The following DDX31 variants were observed in gnomAD, a reference collection of about 807,000 sequenced individuals.
The protein encoded by DDX31 is DEAD-box helicase 31.
DDX31 carries 70 observed loss-of-function variants against 91.3 expected under a neutral mutation model. The ratio of observed to expected loss-of-function variants is 0.77; its 90% confidence interval spans 0.63 to 0.94. DDX31 has a LOEUF of 0.94. DDX31 is among the 40% of genes least tolerant of loss of function. DDX31 has a pLI of 0.00. For synonymous variants in DDX31, 362 were observed against 350.6 expected, an observed-to-expected ratio of 1.03 and a Z score of -0.36; for missense variants, 902 against 925.0, an observed-to-expected ratio of 0.98 and a Z score of 0.32.
chr9:132,614,822 C>G (rs1831540220), intron 18 of DDX31, among the ~76,000 whole-genome samples: 1 of 152,194 alleles, frequency 6.6e-6, no homozygotes, highest in Admixed American at 6.5e-5. Context: ...GCATTTCACA[C>G]TGCATATTTT....
intron 5 of DDX31, among the ~76,000 whole-genome samples, chr9:132,659,501 T>C (rs183023537): frequency 6.6e-6 from 1 of 152,144 alleles, no homozygotes; most frequent in African/African-American, 2.4e-5. Context: ...ACCTGACTAC[T>C]TCCTAATCAT....
rs555960510 is a variant in DDX31, at chr9:132,625,678, G to A, written c.1699C>T (p.Arg567Ter). The change falls in exon 17 of 20, where the codon CGA becomes TGA. Residue 567 changes from arginine to a stop codon, truncating the protein, a stop_gained. Transcript: ENST00000372159. LOFTEE classifies it high-confidence loss of function. The part of the protein sequence containing the change: ...LTRDDCFKGK[R>*]WGAQKSHAVG... ...ACAAAACTCACCTGGGCTCCCCATC[G>A]TTTCCCTTTAAAACAATCATCTCTT... The A allele has an allele frequency of 6.9e-5, 112 of 1,613,702 alleles. No individual in the cohort carries two copies. The highest frequency in any genetic ancestry group is 8.4e-5 in the Non-Finnish European group (99 of 1,179,818).
At chr9:132,610,958 C>T (rs529617072) in intron 19 of DDX31, among the ~76,000 whole-genome samples, 5 of 152,214 alleles carry the variant, frequency 3.3e-5, no homozygotes, top group South Asian at 4.1e-4. Context: ...CTGTCTTTGC[C>T]GTGACAGGCT....
intron 19 of DDX31, among the ~76,000 whole-genome samples, chr9:132,596,581 G>T (rs977068794): frequency 6.6e-6 from 1 of 152,160 alleles, no homozygotes; most frequent in Non-Finnish European, 1.5e-5. Flanking sequence ...TACAATCCTC[G>T]CTCAACAAGG....
chr9:132,657,435 C>T (rs1469999470), intron 6 of DDX31, among the ~76,000 whole-genome samples: 1 of 151,962 alleles, frequency 6.6e-6, no homozygotes, highest in Non-Finnish European at 1.5e-5. Context: ...CAAATGGTGA[C>T]TTTCTATTTC....
chr9:132,645,215 T>C (rs1005938736), intron 13 of DDX31, among the ~76,000 whole-genome samples: 1 of 152,160 alleles, frequency 6.6e-6, no homozygotes, highest in East Asian at 1.9e-4. Flanking sequence ...CTCACTCCCA[T>C]ATTCCACCCC....
At chr9:132,597,213 G>A (rs1304166529) in intron 19 of DDX31, among the ~76,000 whole-genome samples, 1 of 152,136 alleles carries the variant, frequency 6.6e-6, no homozygotes, top group African/African-American at 2.4e-5. Context: ...GTCTCATCAT[G>A]GGTCACCCGC....
At chr9:132,630,047 A>G (rs180747513) in intron 16 of DDX31, among the ~76,000 whole-genome samples, 1 of 152,362 alleles carries the variant, frequency 6.6e-6, no homozygotes, top group East Asian at 1.9e-4. Context: ...CAAGTACAAC[A>G]CATCGTCCTA....
chr9:132,651,917 C>A (rs1003284628), intron 7 of DDX31, among the ~76,000 whole-genome samples: 2 of 152,086 alleles, frequency 1.3e-5, no homozygotes, highest in African/African-American at 2.4e-5. Context: ...GTGATCAATT[C>A]TCTGTAAGGA....
At chr9:132,626,669 T>C (rs1334965252) in intron 16 of DDX31, among the ~76,000 whole-genome samples, 3 of 151,506 alleles carry the variant, frequency 2.0e-5, no homozygotes, top group Non-Finnish European at 2.9e-5. Context: ...AACAGCAAAT[T>C]AAAACATGAA....
In DDX31 at chr9:132,666,384, C is replaced by T. The variant is rs138873736; in HGVS notation, c.75+3476G>A. On this transcript the variant is annotated intron_variant, in intron 1 of 19. Transcript: ENST00000372159. ...AAAGAAAACATCATGTGTAGTGATT[C>T]CAATTTTGAGTTGTTCTCTAAAAGG... Among the ~76,000 whole-genome samples, 282 of 151,716 alleles carry T rather than the reference C, an allele frequency of 1.9e-3. 1 individual carries two copies. Among genetic ancestry groups the T allele is most frequent in the African/African-American group, 6.5e-3 (271 of 41,438 alleles).
intron 1 of DDX31, among the ~76,000 whole-genome samples, chr9:132,665,356 G>A (rs994372947): frequency 7.2e-5 from 11 of 152,176 alleles, no homozygotes; most frequent in African/African-American, 2.7e-4. Flanking sequence ...AAGTAGATTT[G>A]CCAAGCCCTT....
At chr9:132,653,940 G>A (rs993030293) in intron 6 of DDX31, among the ~76,000 whole-genome samples, 11 of 152,176 alleles carry the variant, frequency 7.2e-5, no homozygotes, top group African/African-American at 2.6e-4. Flanking sequence ...ACTGGCACAT[G>A]AATAGAGATT....
At position 132,594,229 on chromosome 9, in the gene DDX31, G is replaced by C. The variant is rs1251725907; in HGVS notation, c.*637C>G. On this transcript the variant is annotated 3_prime_UTR_variant, in exon 20 of 20. Coordinates refer to ENST00000372159, the MANE Select transcript of DDX31 (RefSeq NM_022779.9). Reference sequence around the variant, plus strand: ...TGAGTTTTCAGTGGACATGAAAGAGGGAGCAATGCATGTAAATGCAACCTC... The same window carrying C: ...TGAGTTTTCAGTGGACATGAAAGAGCGAGCAATGCATGTAAATGCAACCTC... 6.6e-6 allele frequency: 1 copy of C among 152,142 alleles called. No individual in the cohort carries two copies. Among genetic ancestry groups the C allele is most frequent in the Non-Finnish European group, 1.5e-5 (1 of 68,050 alleles). The allele number at this position is 152,142 out of a possible 1,614,324, so 9.4% of individuals were successfully genotyped here.
At chr9:132,638,073 C>T in intron 14 of DDX31, 1 of 1,261,194 alleles carries the variant, frequency 7.9e-7, no homozygotes, top group Non-Finnish European at 1.0e-6. Context: ...GGTGCATCTT[C>T]TGAAAAAGAA....
At chr9:132,637,248 C>A (rs1296135505) in intron 14 of DDX31, among the ~76,000 whole-genome samples, 1 of 152,146 alleles carries the variant, frequency 6.6e-6, no homozygotes, top group Admixed American at 6.5e-5. Context: ...CATGACCCAC[C>A]AAGACTCAGC....
intron 19 of DDX31, among the ~76,000 whole-genome samples, chr9:132,605,368 T>C (rs1316401992): frequency 6.6e-6 from 1 of 152,156 alleles, no homozygotes; most frequent in Non-Finnish European, 1.5e-5. Context: ...TGATGCATGA[T>C]ATGTGGCACT....
intron 1 of DDX31, among the ~76,000 whole-genome samples, chr9:132,663,052 G>C (rs1338978948): frequency 1.3e-5 from 2 of 152,092 alleles, no homozygotes; most frequent in Non-Finnish European, 2.9e-5. Flanking sequence ...CTTGTGAAGG[G>C]TGTGTCAATC....
chr9:132,611,540 C>G (rs1331871606), intron 19 of DDX31, among the ~76,000 whole-genome samples: 1 of 152,318 alleles, frequency 6.6e-6, no homozygotes, highest in African/African-American at 2.4e-5. Flanking sequence ...TCCCCAGGAC[C>G]TCTGGACAAG....
Sources: allele counts gnomAD v4.1 joint callset (sites outside exome capture counted in the v4.1 genomes callset), GRCh38; gene constraint gnomAD v4.1.1; transcripts MANE v1.5; gene names NCBI Gene and HGNC (gene_info 2026-07-23, HGNC 2026-07-21).